The following PFN2 variants were observed in gnomAD, a reference collection of about 807,000 sequenced individuals.
The protein encoded by PFN2 is profilin 2, also known as profilin-2.
In PFN2, 8 loss-of-function variants were observed where a neutral mutation model predicts 15.3. The ratio of observed to expected loss-of-function variants is 0.52; its 90% CI spans 0.31 to 0.95. PFN2 has a LOEUF of 0.95. Among genes scored for constraint, PFN2 ranks in the 40% least tolerant of loss-of-function variants. PFN2 has a pLI of 0.05. For synonymous variants in PFN2, 79 were observed against 67.9 expected (o/e 1.16, Z -0.81); for missense variants, 111 against 182.3 (o/e 0.61, Z 2.25).
At position 149,965,483 on chromosome 3, in the gene PFN2, T is replaced by G. The variant is rs1722658037; in HGVS notation, c.*1006A>C. 2 of 1,417,918 alleles carry G rather than the reference T, an allele frequency of 1.4e-6. No homozygotes were observed. The highest frequency in any genetic ancestry group is 1.8e-6 in the Non-Finnish European group (2 of 1,093,182). The allele number at this position is 1,417,918 out of a possible 1,614,324, so 87.8% of individuals were successfully genotyped here. A position where few individuals can be genotyped will look rare whatever the true frequency, so the allele number is the denominator to read the frequency against. On this transcript the variant is annotated 3_prime_UTR_variant, in exon 3 of 3. Transcript: ENST00000239940. Reference sequence around the variant, plus strand: ...TTCAATCAGTATGGTTACTGTAAGGTCATGGGAGGAAGTGCTTTTTGCTCT... The same window carrying G: ...TTCAATCAGTATGGTTACTGTAAGGGCATGGGAGGAAGTGCTTTTTGCTCT...
rs1199558335 is a variant in PFN2, at chr3:149,970,764, G to A, written c.93C>T (p.Val31=). 2.0e-6 allele frequency: 3 copies of A among 1,519,514 alleles called. No homozygotes were observed. The highest frequency in any genetic ancestry group is 2.8e-5 in the African/African-American group (2 of 70,280). The allele number at this position is 1,519,514 out of a possible 1,614,324, so 94.1% of individuals were successfully genotyped here. A position where few individuals can be genotyped will look rare whatever the true frequency, so the allele number is the denominator to read the frequency against. ...AIVGYCDAKY[V]WAATAGGVFQ... is the part of the protein sequence containing the mutation. ...AGACGCCCCCGGCCGTGGCTGCCCA[G>A]ACGTATTTGGCGTCGCAGTAGCCGA... The change falls in exon 1 of 3, where the codon GTC becomes GTT. Residue 31 remains valine (V), a synonymous_variant. Coordinates refer to ENST00000239940, the MANE Select transcript of PFN2 (RefSeq NM_053024.4).
At chr3:149,968,794 C>T (rs1722762418) in intron 1 of PFN2, 1 of 452,400 alleles carries the variant, frequency 2.2e-6, no homozygotes, top group Non-Finnish European at 3.9e-6. Context: ...TTAACCAAGA[C>T]CAGTCTATAC....
intron 1 of PFN2, 176 bp downstream of exon 1, chr3:149,970,549 G>A (rs1722834002): frequency 4.1e-6 from 2 of 491,664 alleles, no homozygotes; most frequent in Non-Finnish European, 3.1e-6. Flanking sequence ...CCGGGTGAGG[G>A]GGCGTCCCCG....
chr3:149,966,202 C>A lies in PFN2; in HGVS notation c.*287G>T, dbSNP rs1203969821. 7 of 1,613,620 alleles carry A rather than the reference C, an allele frequency of 4.3e-6. No individual in the cohort carries two copies. In the African/African-American group the frequency reaches 9.3e-5, roughly 22 times the overall value. On this transcript the variant is annotated 3_prime_UTR_variant, in exon 3 of 3. Transcript: ENST00000239940. Reference sequence around the variant, plus strand: ...GACCTCCTCAGGTATAAAGCGAGTTCATATGCTTTCTTGTTAAGTGTGCCT... The same window carrying A: ...GACCTCCTCAGGTATAAAGCGAGTTAATATGCTTTCTTGTTAAGTGTGCCT...
intron 1 of PFN2, chr3:149,970,346 TAGCAA>T (rs575390079): frequency 6.4e-6 from 1 of 156,118 alleles, no homozygotes; most frequent in Admixed American, 6.5e-5. Context: ...AGAACGTGCA[TAGCAA>T]ACCTCAGGGC....
At chr3:149,969,501 A>G (rs1228888738) in intron 1 of PFN2, among the ~76,000 whole-genome samples, 1 of 152,214 alleles carries the variant, frequency 6.6e-6, no homozygotes, top group Non-Finnish European at 1.5e-5. Context: ...CCAGATGCCA[A>G]TTCCCTACAA....
At position 149,968,479 on chromosome 3, in the gene PFN2, C is replaced by T. The variant is rs749049947; in HGVS notation, c.204G>A (p.Ala68=). Residue 68 remains alanine, a synonymous_variant, in exon 2 of 3, where the codon GCG becomes GCA. Transcript: ENST00000239940. ...TATCTCTGATCACTGAGCATTTCTTCGCGCCAAGAGTCAAACCGTTGGTAA... is the reference window on the plus strand; with the variant it reads ...TATCTCTGATCACTGAGCATTTCTTTGCGCCAAGAGTCAAACCGTTGGTAA... ...GFFTNGLTLG[A]KKCSVIRDSL... is the part of the protein sequence containing the mutation. 1 of 1,613,892 alleles carries T rather than the reference C, an allele frequency of 6.2e-7. No homozygotes were observed. The highest frequency in any genetic ancestry group is 8.5e-7 in the Non-Finnish European group (1 of 1,179,956).
chr3:149,966,321 GCAGA>G lies in PFN2; in HGVS notation c.*164_*167del, dbSNP rs1211272851. 26 of 1,603,010 alleles carry G rather than the reference GCAGA, an allele frequency of 1.6e-5. No homozygotes were observed. Among genetic ancestry groups the G allele is most frequent in the Admixed American group, 6.8e-5 (4 of 59,014 alleles). On this transcript the variant is annotated 3_prime_UTR_variant, in exon 3 of 3. Transcript: ENST00000239940. ...AACAGAATTATTTTGGGGGGGGAGG[GCAGA>G]AAGAAAGACACCTTTCCCCACCAAC...
At chr3:149,967,726 T>C (rs949860583) in intron 2 of PFN2, among the ~76,000 whole-genome samples, 7 of 152,256 alleles carry the variant, frequency 4.6e-5, no homozygotes, top group Non-Finnish European at 8.8e-5. Context: ...TAAGAGTTTC[T>C]ATAATGCTGA....
chr3:149,969,287 A>G (rs1021629909), intron 1 of PFN2, among the ~76,000 whole-genome samples: 3 of 152,220 alleles, frequency 2.0e-5, no homozygotes, highest in African/African-American at 7.2e-5. Flanking sequence ...AGATTGGGAA[A>G]GAAACTGAGG....
chr3:149,970,215 C>CGGAGG (rs1722812525), intron 1 of PFN2: 1 of 152,216 alleles, frequency 6.6e-6, no homozygotes, highest in Admixed American at 6.5e-5. Flanking sequence ...GCCGCCGCCT[C>CGGAGG]CCACAGCCGG....
At chr3:149,968,826 C>T in intron 1 of PFN2, 1 of 380,826 alleles carries the variant, frequency 2.6e-6, no homozygotes, top group Non-Finnish European at 4.7e-6. Flanking sequence ...AAAGAGTTGA[C>T]AGTTGACACT....
chr3:149,970,566 G>C (rs1576620986), intron 1 of PFN2, 159 bp downstream of exon 1: 5 of 647,586 alleles, frequency 7.7e-6, no homozygotes, highest in South Asian at 6.3e-5. Context: ...CCCGGGCCTC[G>C]GCCTCCCCGC....
At position 149,966,336 on chromosome 3, in the gene PFN2, C is replaced by T. The variant is rs1181221751; in HGVS notation, c.*153G>A. ...GGGGGGGAGGGCAGAAAGAAAGACA[C>T]CTTTCCCCACCAACAGAGGGATACA... is the stretch of plus-strand genomic sequence containing the variant. On this transcript the variant is annotated 3_prime_UTR_variant, in exon 3 of 3. Coordinates refer to ENST00000239940, the MANE Select transcript of PFN2 (RefSeq NM_053024.4). 2.7e-5 allele frequency: 43 copies of T among 1,597,350 alleles called. No individual in the cohort carries two copies. Among genetic ancestry groups the T allele is most frequent in the African/African-American group, 1.1e-4 (8 of 74,470 alleles).
chr3:149,967,379 T>C lies in PFN2; in HGVS notation c.326-793A>G, dbSNP rs150708428. ...TAGTGCAGCTAAGGTTTAAAGAGAT[T>C]TGTCACTATTTCAAAGTCATCTAAT... On this transcript the variant is annotated intron_variant, in intron 2 of 2. Coordinates refer to ENST00000239940, the MANE Select transcript of PFN2 (RefSeq NM_053024.4). Among the ~76,000 whole-genome samples the C allele has an allele frequency of 1.3e-4, 20 of 152,370 alleles. No individual in the cohort carries two copies. The East Asian group carries it at 3.5e-3, about 26-fold the overall frequency.
intron 1 of PFN2, 184 bp downstream of exon 1, chr3:149,970,541 G>C: frequency 2.2e-6 from 1 of 460,316 alleles, no homozygotes; most frequent in Non-Finnish European, 3.4e-6. Context: ...GCGCAGCCCC[G>C]GGTGAGGGGG....
chr3:149,970,457 G>A, intron 1 of PFN2: 1 of 281,486 alleles, frequency 3.6e-6, no homozygotes, highest in Non-Finnish European at 6.6e-6. Flanking sequence ...CCGGGCACCT[G>A]GACCGACGCT....
chr3:149,969,942 A>T, intron 1 of PFN2, among the ~76,000 whole-genome samples: 1 of 152,184 alleles, frequency 6.6e-6, no homozygotes, highest in African/African-American at 2.4e-5. Context: ...AAAGCCCCCG[A>T]AAAGCACCCC....
At chr3:149,967,458 A>G (rs1013176747) in intron 2 of PFN2, among the ~76,000 whole-genome samples, 1 of 152,224 alleles carries the variant, frequency 6.6e-6, no homozygotes, top group Non-Finnish European at 1.5e-5. Flanking sequence ...AGTAACTTTT[A>G]GGATAATCAC....
Sources: gnomAD v4.1 joint callset for allele counts (sites outside exome capture counted in the v4.1 genomes callset) on GRCh38, gnomAD v4.1.1 for gene constraint, MANE v1.5 for transcripts, NCBI Gene and HGNC (gene_info 2026-07-23, HGNC 2026-07-21) for gene names.